EYA3: variants seen among roughly 807,000 people sequenced by gnomAD.
EYA3 encodes EYA transcriptional coactivator and phosphatase 3.
A neutral mutation model predicts 80.0 loss-of-function variants in EYA3; 39 were observed. The observed-to-expected ratio is 0.49, with a 90% CI of 0.38 to 0.64. EYA3 has a LOEUF of 0.64. Ranked by LOEUF, EYA3 falls within the 30% of genes least tolerant of loss-of-function variation. EYA3 has a pLI of 0.00. For synonymous variants in EYA3, 206 were observed against 232.8 expected (o/e 0.88, Z 1.05); for missense variants, 523 against 676.1 (o/e 0.77, Z 2.51).
chr1:27,999,736 A>T (rs533879698), intron 12 of EYA3, among the ~76,000 whole-genome samples: 144 of 152,310 alleles, frequency 9.5e-4, no homozygotes, highest in Middle Eastern at 3.4e-3. Flanking sequence ...ACTAACAAAA[A>T]TCAAATTTTT....
chr1:27,974,374 A>T lies in EYA3; in HGVS notation c.*92T>A. ...GAGATAGAGACAGAGACACAGAGAG[A>T]GACAGACAGAGAAAGTTCTCAGTTG... On this transcript the variant is annotated 3_prime_UTR_variant, in exon 18 of 18. Coordinates refer to ENST00000373871, the MANE Select transcript of EYA3 (RefSeq NM_001990.4). 1.2e-6 allele frequency: 1 copy of T among 856,166 alleles called. No individual in the cohort carries two copies. The highest frequency in any genetic ancestry group is 2.2e-5 in the Admixed American group (1 of 45,838). 53.0% of individuals were successfully genotyped at this position (856,166 alleles called of 1,614,324 possible).
At chr1:28,015,596 G>A (rs1005230465) in intron 8 of EYA3, among the ~76,000 whole-genome samples, 3 of 151,984 alleles carry the variant, frequency 2.0e-5, no homozygotes, top group Admixed American at 2.0e-4. Context: ...ACAAAAAGTG[G>A]GATTTAGAAA....
rs192168378 is a variant in EYA3 at position 28,038,709 on chromosome 1, G to C, written c.224+130C>G. 1.1e-3 allele frequency: 537 copies of C among 510,918 alleles called. 1 individual carries two copies. The highest frequency in any genetic ancestry group is 3.2e-3 in the Middle Eastern group (6 of 1,904). The allele number at this position is 510,918 out of a possible 1,614,324, so 31.6% of individuals were successfully genotyped here. On this transcript the variant is annotated intron_variant, in intron 5 of 17. Coordinates refer to ENST00000373871, the MANE Select transcript of EYA3 (RefSeq NM_001990.4). Reference sequence around the variant, plus strand: ...CTATATTTAGAGGGAATTAAAAATTGGAATGACGATAGAATAAGAGAGGTA... The same window carrying C: ...CTATATTTAGAGGGAATTAAAAATTCGAATGACGATAGAATAAGAGAGGTA...
At chr1:28,065,030 A>G (rs1644781305) in intron 1 of EYA3, among the ~76,000 whole-genome samples, 1 of 152,266 alleles carries the variant, frequency 6.6e-6, no homozygotes, top group African/African-American at 2.4e-5. Context: ...AATTGTATAC[A>G]GTAGTCTCCC....
intron 1 of EYA3, among the ~76,000 whole-genome samples, chr1:28,074,521 T>C (rs987611733): frequency 6.6e-6 from 1 of 151,824 alleles, no homozygotes; most frequent in African/African-American, 2.4e-5. Context: ...TTCTTTTTTT[T>C]TTTTTTTTAA....
chr1:28,033,224 G>A (rs1416007652), intron 6 of EYA3, among the ~76,000 whole-genome samples: 1 of 152,114 alleles, frequency 6.6e-6, no homozygotes, highest in Non-Finnish European at 1.5e-5. Context: ...AAGAAATCAA[G>A]TGTTTTCTCC....
chr1:28,083,749 A>C (rs1037785408), intron 1 of EYA3, among the ~76,000 whole-genome samples: 15 of 152,282 alleles, frequency 9.9e-5, no homozygotes, highest in African/African-American at 3.6e-4. Context: ...ATGTTAATTA[A>C]GTTTATTTAA....
chr1:28,069,646 G>T (rs544501180), intron 1 of EYA3, among the ~76,000 whole-genome samples: 1 of 150,466 alleles, frequency 6.6e-6, no homozygotes, highest in African/African-American at 2.4e-5. Flanking sequence ...AAGGGAAAGA[G>T]GGGGTAGAAG....
At chr1:27,992,882 T>C (rs955597490) in intron 14 of EYA3, among the ~76,000 whole-genome samples, 1 of 152,226 alleles carries the variant, frequency 6.6e-6, no homozygotes, top group African/African-American at 2.4e-5. Flanking sequence ...TTCTAAATAA[T>C]AGAATTTTAG....
chr1:27,980,914 C>T (rs1452086710), intron 16 of EYA3, among the ~76,000 whole-genome samples: 2 of 152,138 alleles, frequency 1.3e-5, no homozygotes, highest in Non-Finnish European at 2.9e-5. Context: ...TGGTGGAACA[C>T]GCCTGAAGTC....
chr1:28,050,813 G>A (rs1644219916), intron 2 of EYA3, among the ~76,000 whole-genome samples: 1 of 152,144 alleles, frequency 6.6e-6, no homozygotes, highest in South Asian at 2.1e-4. Flanking sequence ...AACTAAAGAA[G>A]ACAGACAGAT....
At chr1:28,081,057 G>T (rs188755337) in intron 1 of EYA3, among the ~76,000 whole-genome samples, 1 of 151,896 alleles carries the variant, frequency 6.6e-6, no homozygotes, top group South Asian at 2.1e-4. Context: ...GCGCCCGGCC[G>T]ATGGTTCTCT....
rs1368107421 is a variant in EYA3 at position 28,047,407 on chromosome 1, T to G, written c.77+976A>C. 2.0e-5 allele frequency among the ~76,000 whole-genome samples: 3 copies of G among 152,260 alleles called. No individual in the cohort carries two copies. The South Asian group carries it at 6.2e-4, about 32-fold the overall frequency. ...GGTGAAAAGATGACAGATGATTTAA[T>G]TGATAGTTTAAGACATCATATGGCT... On this transcript the variant is annotated intron_variant, in intron 3 of 17. Transcript: ENST00000373871.
intron 10 of EYA3, among the ~76,000 whole-genome samples, chr1:28,008,563 T>C (rs1329008215): frequency 1.3e-5 from 2 of 152,038 alleles, no homozygotes; most frequent in Admixed American, 1.3e-4. Context: ...ATCTGATTAA[T>C]ATAAGGGATT....
At chr1:28,063,159 A>T (rs887526479) in intron 1 of EYA3, among the ~76,000 whole-genome samples, 4 of 152,016 alleles carry the variant, frequency 2.6e-5, no homozygotes, top group African/African-American at 9.7e-5. Context: ...CATGCAGCTA[A>T]GTATGTACAG....
chr1:28,053,171 A>G (rs867215906), intron 2 of EYA3, among the ~76,000 whole-genome samples: 1,745 of 150,776 alleles, frequency 0.012, 21 homozygotes, highest in African/African-American at 0.025. Flanking sequence ...AAAAAAAAAA[A>G]AAAAAAACAG....
intron 6 of EYA3, 33 bp downstream of exon 6, chr1:28,035,511 T>A: frequency 6.2e-7 from 1 of 1,600,174 alleles, no homozygotes; most frequent in Non-Finnish European, 8.5e-7. Context: ...AAAATCAACA[T>A]TCTTAGAAAT....
At chr1:28,080,010 G>A (rs911127185) in intron 1 of EYA3, among the ~76,000 whole-genome samples, 6 of 152,116 alleles carry the variant, frequency 3.9e-5, no homozygotes, top group African/African-American at 1.4e-4. Flanking sequence ...CAAACTGCAG[G>A]TACATTGCAT....
intron 16 of EYA3, among the ~76,000 whole-genome samples, chr1:27,980,026 T>C (rs1295983118): frequency 1.3e-5 from 2 of 152,200 alleles, no homozygotes; most frequent in Non-Finnish European, 2.9e-5. Context: ...TGGGCTCAGC[T>C]GGCCACTTAC....
Sources: gnomAD v4.1 joint callset for allele counts (sites outside exome capture counted in the v4.1 genomes callset) on GRCh38, gnomAD v4.1.1 for gene constraint, MANE v1.5 for transcripts, NCBI Gene and HGNC (gene_info 2026-07-23, HGNC 2026-07-21) for gene names.